The following STON1 variants were observed in gnomAD, a reference collection of about 807,000 sequenced individuals.
The protein encoded by STON1 is stonin 1, also known as stonin-1.
A neutral mutation model predicts 60.9 loss-of-function variants in STON1; 79 were observed. The observed-to-expected ratio is 1.30, with a 90% confidence interval of 1.08 to 1.56. The LOEUF (loss-of-function observed/expected upper bound fraction) is 1.56. Ranked by LOEUF, STON1 falls within the 40% of genes most tolerant of loss-of-function variation. The probability of loss-of-function intolerance (pLI) is 0.00; values close to 1 mark genes in which losing one functional copy is unlikely to be tolerated. For missense variants in STON1, 1,166 were observed against 858.9 expected, an observed-to-expected ratio of 1.36 and a Z score of -4.47; for synonymous variants, 363 against 306.9, an observed-to-expected ratio of 1.18 and a Z score of -1.91.
rs149954327 is a variant in STON1, at chr2:48,582,005, T to G, written c.1372T>G (p.Leu458Val). The change falls in exon 2 of 4, where the codon TTG (leucine) becomes GTG (valine). Residue 458 changes from leucine (L) to valine (V), a missense_variant. Leu to Val is a conservative substitution (Grantham distance 32). Transcript: ENST00000404752. ...TGGGAACCTGGAATGCTTTTTAACC[T>G]TGAATGACCTTGAGTTGCCGAAGCG... is the stretch of plus-strand genomic sequence containing the variant. The part of the protein sequence containing the change: ...VNGNLECFLT[L>V]NDLELPKRDE... 2.5e-5 allele frequency: 41 copies of G among 1,614,070 alleles called. No individual in the cohort carries two copies. The African/African-American group carries it at 5.1e-4, about 20-fold the overall frequency.
intron 1 of STON1, among the ~76,000 whole-genome samples, chr2:48,552,767 C>G (rs1005541174): frequency 2.6e-5 from 4 of 152,084 alleles, no homozygotes; most frequent in Non-Finnish European, 5.9e-5. Context: ...GAGACTCCAT[C>G]TCAAAAAACA....
chr2:48,532,334 G>C (rs905829523), intron 1 of STON1, among the ~76,000 whole-genome samples: 2 of 146,678 alleles, frequency 1.4e-5, no homozygotes, highest in Non-Finnish European at 3.0e-5. Flanking sequence ...GGGCGACACA[G>C]CAAGACTCTG....
intron 1 of STON1, among the ~76,000 whole-genome samples, chr2:48,548,909 C>T (rs1027295500): frequency 1.1e-4 from 16 of 152,218 alleles, no homozygotes; most frequent in South Asian, 2.1e-4. Flanking sequence ...TCTTGGTATC[C>T]GAGTGAATAG....
chr2:48,540,705 C>T (rs965084632), intron 1 of STON1, among the ~76,000 whole-genome samples: 3 of 152,204 alleles, frequency 2.0e-5, no homozygotes, highest in South Asian at 2.1e-4. Flanking sequence ...TCTTGAGCCT[C>T]AACTTGAAGT....
intron 1 of STON1, among the ~76,000 whole-genome samples, chr2:48,547,804 G>C (rs1671923408): frequency 6.6e-6 from 1 of 152,222 alleles, no homozygotes; most frequent in Non-Finnish European, 1.5e-5. Flanking sequence ...GTTTAATCTT[G>C]TCTACATGAT....
intron 1 of STON1, among the ~76,000 whole-genome samples, chr2:48,541,699 C>CAAAAAA (rs71399061): frequency 6.6e-5 from 4 of 60,694 alleles, no homozygotes; most frequent in Non-Finnish European, 8.7e-5. Flanking sequence ...AACTTCGTCT[C>CAAAAAA]AAAAAAAAAA....
At chr2:48,568,523 C>T (rs978468587) in intron 1 of STON1, among the ~76,000 whole-genome samples, 1 of 152,022 alleles carries the variant, frequency 6.6e-6, no homozygotes, top group Non-Finnish European at 1.5e-5. Flanking sequence ...GAGGGATGAA[C>T]TTTGCAGGGA....
chr2:48,588,113 C>G (rs926964798), intron 2 of STON1, among the ~76,000 whole-genome samples: 3 of 152,184 alleles, frequency 2.0e-5, no homozygotes, highest in African/African-American at 7.2e-5. Flanking sequence ...CCAGGAATCA[C>G]CTTGTTAAAA....
At chr2:48,576,903 A>G (rs576144932) in intron 1 of STON1, among the ~76,000 whole-genome samples, 2 of 150,908 alleles carry the variant, frequency 1.3e-5, no homozygotes, top group African/African-American at 4.9e-5. Flanking sequence ...AAATACAAAA[A>G]ATTAGCCGGG....
At chr2:48,574,606 C>G (rs1008495253) in intron 1 of STON1, among the ~76,000 whole-genome samples, 1 of 152,168 alleles carries the variant, frequency 6.6e-6, no homozygotes, top group Admixed American at 6.5e-5. Flanking sequence ...CAAGTCATCT[C>G]AGCTATGAAA....
Position 48,580,766 on chromosome 2 carries a change from C to T in STON1, c.133C>T (p.Pro45Ser), listed in dbSNP as rs746420798. ...CRPNGLKLNL[P>S]GLREFPSGSS... ...ACCAAATGGACTGAAGCTGAACCTTCCTGGCCTCAGGGAATTTCCCAGTGG... is the reference window on the plus strand; with the variant it reads ...ACCAAATGGACTGAAGCTGAACCTTTCTGGCCTCAGGGAATTTCCCAGTGG... The change falls in exon 2 of 4, where the codon CCT becomes TCT. Residue 45 changes from proline (P) to serine (S), a missense_variant. By Grantham distance (74) the Pro-to-Ser change is moderately conservative (BLOSUM62 -1). Transcript: ENST00000404752. 1.3e-6 allele frequency: 2 copies of T among 1,559,784 alleles called. No homozygotes were observed. Among genetic ancestry groups the T allele is most frequent in the African/African-American group, 1.4e-5 (1 of 72,846 alleles).
intron 1 of STON1, among the ~76,000 whole-genome samples, chr2:48,539,018 A>C (rs1671547836): frequency 2.6e-5 from 4 of 152,016 alleles, no homozygotes; most frequent in Admixed American, 1.3e-4. Flanking sequence ...CCTGGGCTCA[A>C]GCTATCCTCT....
chr2:48,591,814 C>A lies in STON1; in HGVS notation c.2092C>A (p.Pro698Thr), dbSNP rs1674530862. The A allele has an allele frequency of 1.2e-6, 2 of 1,614,030 alleles. No homozygotes were observed. Among genetic ancestry groups the A allele is most frequent in the Non-Finnish European group, 1.7e-6 (2 of 1,180,034 alleles). Residue 698 changes from proline (P) to threonine (T), a missense_variant, in exon 3 of 4, where the codon CCA (proline) becomes ACA (threonine). Coordinates refer to ENST00000404752, the MANE Select transcript of STON1 (RefSeq NM_006873.4). ...TCTGGGAGTGGAGAGTGATGTCCAGCCACAGAAACATGTTCAGCAGCGAGC... is the reference window on the plus strand; with the variant it reads ...TCTGGGAGTGGAGAGTGATGTCCAGACACAGAAACATGTTCAGCAGCGAGC... ...RSLGVESDVQ[P>T]QKHVQQRACY...
chr2:48,564,733 CT>C lies in STON1; in HGVS notation c.-47-15837del, dbSNP rs776637856. 1.6e-3 allele frequency among the ~76,000 whole-genome samples: 157 copies of C among 100,898 alleles called. 1 individual carries two copies. The highest frequency in any genetic ancestry group is 4.1e-3 in the Admixed American group (37 of 8,988). The allele number at this position is 100,898 out of a possible 152,430, so 66.2% of individuals were successfully genotyped here. A position where few individuals can be genotyped will look rare whatever the true frequency, so the allele number is the denominator to read the frequency against. ...TTATTTCTTCTTTCTTTCTTTCTTT[CT>C]TTTTTTTTTTTTTTTTAAGATGGAG... On this transcript the variant is annotated intron_variant, in intron 1 of 3. Coordinates refer to ENST00000404752, the MANE Select transcript of STON1 (RefSeq NM_006873.4).
chr2:48,540,066 C>T (rs533040785), intron 1 of STON1, among the ~76,000 whole-genome samples: 3 of 152,294 alleles, frequency 2.0e-5, no homozygotes, highest in Admixed American at 1.3e-4. Flanking sequence ...CGGTGGATTT[C>T]TCTATGAGCC....
chr2:48,551,714 A>C (rs1407809753), intron 1 of STON1, among the ~76,000 whole-genome samples: 1 of 151,976 alleles, frequency 6.6e-6, no homozygotes, highest in African/African-American at 2.4e-5. Flanking sequence ...CATGTAAAAA[A>C]CTCTGGGATG....
Position 48,582,438 on chromosome 2 carries a change from G to T in STON1, c.1805G>T (p.Cys602Phe). ...AAAGCTAAAATGAACCGCCGAGCATGTCTGGGGAGTTTACAGGAACTTGAA... is the reference window on the plus strand; with the variant it reads ...AAAGCTAAAATGAACCGCCGAGCATTTCTGGGGAGTTTACAGGAACTTGAA... ...SLKAKMNRRA[C>F]LGSLQELESE... The change falls in exon 2 of 4, where the codon TGT (cysteine) becomes TTT (phenylalanine). Residue 602 changes from cysteine to phenylalanine, a missense_variant. Coordinates refer to ENST00000404752, the MANE Select transcript of STON1 (RefSeq NM_006873.4). 1 of 1,614,216 alleles carries T rather than the reference G, an allele frequency of 6.2e-7. No individual in the cohort carries two copies. Among genetic ancestry groups the T allele is most frequent in the Non-Finnish European group, 8.5e-7 (1 of 1,180,028 alleles).
intron 2 of STON1, among the ~76,000 whole-genome samples, chr2:48,586,242 C>G (rs558082827): frequency 6.6e-6 from 1 of 152,300 alleles, no homozygotes; most frequent in African/African-American, 2.4e-5. Context: ...CTGATTCAAT[C>G]AACAAGAATT....
At chr2:48,580,160 G>A (rs188647554) in intron 1 of STON1, among the ~76,000 whole-genome samples, 10 of 152,072 alleles carry the variant, frequency 6.6e-5, no homozygotes, top group African/African-American at 1.7e-4. Context: ...TGCTTGCCTC[G>A]GCCTCCCAAA....
Sources: gnomAD v4.1 joint callset for allele counts (sites outside exome capture counted in the v4.1 genomes callset) on GRCh38, gnomAD v4.1.1 for gene constraint, MANE v1.5 for transcripts, NCBI Gene and HGNC (gene_info 2026-07-23, HGNC 2026-07-21) for gene names.